CFAP97D2: variants seen among roughly 807,000 people sequenced by gnomAD.
CFAP97D2 encodes CFAP97 domain containing 2.
intron 2 of CFAP97D2, 119 bp downstream of exon 2, chr13:114,196,595 C>A (rs1367986410): frequency 2.5e-6 from 1 of 395,676 alleles, no homozygotes; most frequent in Non-Finnish European, 4.4e-6. Flanking sequence ...AGACAAAATG[C>A]AGTCTAGGTG....
At position 114,183,152 on chromosome 13, in the gene CFAP97D2, C is replaced by A. The variant is rs542309015; in HGVS notation, c.90+3732C>A. On this transcript the variant is annotated intron_variant, in intron 1 of 4. Coordinates refer to ENST00000646158, the Ensembl canonical transcript of CFAP97D2. ...CATTTCTGCCACTACAACAAGATAT[C>A]ACAGATTGTCATTATTTATTTATTT... is the stretch of plus-strand genomic sequence containing the variant. Among the ~76,000 whole-genome samples, 3 of 151,478 alleles carry A rather than the reference C, an allele frequency of 2.0e-5. No individual in the cohort carries two copies. The South Asian group carries it at 6.2e-4, about 31-fold the overall frequency.
At chr13:114,205,494 C>T (rs972995289) in intron 3 of CFAP97D2, among the ~76,000 whole-genome samples, 13 of 152,200 alleles carry the variant, frequency 8.5e-5, no homozygotes, top group Non-Finnish European at 1.6e-4. Flanking sequence ...ATCATATCAT[C>T]TGTGAATAGA....
intron 4 of CFAP97D2, among the ~76,000 whole-genome samples, chr13:114,221,202 G>A (rs9590482): frequency 2.2e-3 from 337 of 152,324 alleles, no homozygotes; most frequent in African/African-American, 7.6e-3. Flanking sequence ...AGCCGACATC[G>A]CGCCACTGCA....
chr13:114,195,571 T>C (rs945154349), intron 1 of CFAP97D2, among the ~76,000 whole-genome samples: 1 of 152,226 alleles, frequency 6.6e-6, no homozygotes, highest in African/African-American at 2.4e-5. Context: ...GGGGATTCCT[T>C]TTTATTGCAA....
At chr13:114,202,647 G>A (rs2080923518) in intron 3 of CFAP97D2, among the ~76,000 whole-genome samples, 1 of 152,200 alleles carries the variant, frequency 6.6e-6, no homozygotes, top group Non-Finnish European at 1.5e-5. Flanking sequence ...CCTGGAAGGG[G>A]CAGGGCCTTA....
intron 4 of CFAP97D2, among the ~76,000 whole-genome samples, chr13:114,220,948 G>A (rs375084254): frequency 8.5e-5 from 13 of 152,370 alleles, no homozygotes; most frequent in South Asian, 4.1e-4. Context: ...AAAAATGACT[G>A]TGAAAGTGAC....
chr13:114,181,158 AGG>A (rs2080830653), intron 1 of CFAP97D2, among the ~76,000 whole-genome samples: 1 of 152,230 alleles, frequency 6.6e-6, no homozygotes, highest in Non-Finnish European at 1.5e-5. Flanking sequence ...TCTGACCTGG[AGG>A]GGATGAAGTG....
chr13:114,201,117 C>T (rs183802452), intron 3 of CFAP97D2, among the ~76,000 whole-genome samples: 48 of 152,282 alleles, frequency 3.2e-4, no homozygotes, highest in Middle Eastern at 3.4e-3. Flanking sequence ...CTTAAAATCA[C>T]CTTATAAATG....
At chr13:114,196,832 G>A (rs903152232) in intron 2 of CFAP97D2, among the ~76,000 whole-genome samples, 1 of 152,200 alleles carries the variant, frequency 6.6e-6, no homozygotes, top group Non-Finnish European at 1.5e-5. Context: ...ATACATTTTA[G>A]GGAGACTTGA....
chr13:114,206,021 G>C (rs764379513), intron 3 of CFAP97D2, among the ~76,000 whole-genome samples: 5 of 152,130 alleles, frequency 3.3e-5, no homozygotes, highest in East Asian at 1.9e-4. Flanking sequence ...CTGCATTGCC[G>C]AGCTGGGAAC....
Position 114,189,244 on chromosome 13 carries a change from AG to A in CFAP97D2, c.91-7149del, listed in dbSNP as rs2080861205. Among the ~76,000 whole-genome samples the A allele has an allele frequency of 6.6e-6, 1 of 152,160 alleles. No individual in the cohort carries two copies. The highest frequency in any genetic ancestry group is 1.5e-5 in the Non-Finnish European group (1 of 68,020). On this transcript the variant is annotated intron_variant, in intron 1 of 4. Transcript: ENST00000646158. The surrounding 1 kb of genome is among the most constrained non-coding windows in gnomAD (Gnocchi z 4.5). ...CACAAATTTGATAACCTAAATGAAA[AG>A]GGCCAATTTCTTCAAAGGTTCAATC...
chr13:114,196,272 C>G (rs1005431706), intron 1 of CFAP97D2, 124 bp from the exon 2 acceptor site: 2 of 397,346 alleles, frequency 5.0e-6, no homozygotes, highest in Non-Finnish European at 8.9e-6. Flanking sequence ...GAGCCTCTTT[C>G]AGAACTTCAG....
At chr13:114,197,722 G>A (rs1046093630) in intron 2 of CFAP97D2, among the ~76,000 whole-genome samples, 7 of 144,506 alleles carry the variant, frequency 4.8e-5, no homozygotes, top group African/African-American at 8.8e-5. Context: ...TCACTGTGTC[G>A]CCCAGGCTGG....
At chr13:114,208,700 G>A (rs2080952565) in intron 3 of CFAP97D2, among the ~76,000 whole-genome samples, 1 of 152,184 alleles carries the variant, frequency 6.6e-6, no homozygotes, top group Non-Finnish European at 1.5e-5. Context: ...TGACGCAATT[G>A]CTTTCCTATC....
At position 114,187,634 on chromosome 13, in the gene CFAP97D2, A is replaced by G. The variant is rs1166398805; in HGVS notation, c.90+8214A>G. On this transcript the variant is annotated intron_variant, in intron 1 of 4. Coordinates refer to ENST00000646158, the Ensembl canonical transcript of CFAP97D2. This position sits in a 1 kb window ranked among gnomAD's most constrained non-coding sequence, Gnocchi z 4.2. ...AGATACTACAAGAAAAAATAGATGAATCCCCTTATCACAATTGGAGACTTC... is the reference window on the plus strand; with the variant it reads ...AGATACTACAAGAAAAAATAGATGAGTCCCCTTATCACAATTGGAGACTTC... 6.6e-6 allele frequency among the ~76,000 whole-genome samples: 1 copy of G among 152,190 alleles called. No individual in the cohort carries two copies. Among genetic ancestry groups the G allele is most frequent in the Non-Finnish European group, 1.5e-5 (1 of 68,042 alleles).
downstream of CFAP97D2, chr13:114,222,670 G>A (rs899102683): frequency 2.0e-5 from 8 of 394,502 alleles, no homozygotes; most frequent in East Asian, 3.6e-5. This position sits in a 1 kb window ranked among gnomAD's most constrained non-coding sequence, Gnocchi z 4.4. Flanking sequence ...CACAGCCAGC[G>A]GTCTCAGGGC....
rs1566613630 is a variant in CFAP97D2, at chr13:114,198,683, G to GTGACGGCGC, written c.172-1642_172-1641insTGACGGCGC. 2.8e-3 allele frequency among the ~76,000 whole-genome samples: 191 copies of GTGACGGCGC among 67,724 alleles called. 14 individuals are homozygous for GTGACGGCGC. The highest frequency in any genetic ancestry group is 9.3e-3 in the Middle Eastern group (1 of 108). 44.4% of individuals were successfully genotyped at this position (67,724 alleles called of 152,430 possible). On this transcript the variant is annotated intron_variant, in intron 2 of 4. Coordinates refer to ENST00000646158, the Ensembl canonical transcript of CFAP97D2. ...CGGTCCCCGCTGAGGCGTGACAGTGGGTCCCCGTGCGTACGGTCCCCGCTG... is the reference window on the plus strand; with the variant it reads ...CGGTCCCCGCTGAGGCGTGACAGTGGTGACGGCGCGTCCCCGTGCGTACGGTCCCCGCTG...
chr13:114,211,906 G>T lies in CFAP97D2; in HGVS notation c.291-6G>T. ...AATTTCAAAATGTGTGTGCTCTTTC[G>T]TGGAGTCTGCACAGGGGGAAGAGAG... On this transcript the variant is annotated splice_polypyrimidine_tract_variant and splice_region_variant and intron_variant, in intron 3 of 4. Coordinates refer to ENST00000646158, the Ensembl canonical transcript of CFAP97D2. The surrounding 1 kb of genome is among the most constrained non-coding windows in gnomAD (Gnocchi z 4.2). 2.5e-6 allele frequency: 1 copy of T among 398,722 alleles called. No individual in the cohort carries two copies. The highest frequency in any genetic ancestry group is 3.6e-5 in the East Asian group (1 of 28,084). The allele number at this position is 398,722 out of a possible 1,614,324, so 24.7% of individuals were successfully genotyped here.
At chr13:114,218,922 G>T (rs147363172) in intron 4 of CFAP97D2, among the ~76,000 whole-genome samples, 1 of 152,064 alleles carries the variant, frequency 6.6e-6, no homozygotes, top group Non-Finnish European at 1.5e-5. Flanking sequence ...ACCATAAAAA[G>T]CCTAGAAGAA....
Sources: allele counts gnomAD v4.1 joint callset (sites outside exome capture counted in the v4.1 genomes callset), GRCh38; gene constraint gnomAD v4.1.1; non-coding constraint Gnocchi (gnomAD v3.1); transcripts MANE v1.5; gene names NCBI Gene and HGNC (gene_info 2026-07-23, HGNC 2026-07-21).